ENOX2: variants seen among roughly 807,000 people sequenced by gnomAD.
ENOX2 encodes APK1 antigen.
ENOX2 carries 36 observed loss-of-function variants against 45.0 expected under a neutral mutation model. That is an observed-to-expected ratio of 0.80 (90% CI 0.61 to 1.06). The LOEUF is 1.06. Among genes scored for constraint, ENOX2 ranks in the 50% least tolerant of loss-of-function variants. ENOX2 has a pLI of 0.00. For synonymous variants in ENOX2, 174 were observed against 152.3 expected, an observed-to-expected ratio of 1.14 and a Z score of -1.05; for missense variants, 423 against 462.5, an observed-to-expected ratio of 0.91 and a Z score of 0.78.
intron 12 of ENOX2, among the ~76,000 whole-genome samples, chrX:130,632,045 C>A (rs1227694428): frequency 3.6e-5 from 4 of 110,846 alleles, no homozygotes; most frequent in Non-Finnish European, 7.6e-5. Context: ...AGTTTAAGGT[C>A]CACACTCTGT....
intron 13 of ENOX2, among the ~76,000 whole-genome samples, chrX:130,629,662 A>G (rs1186848951): frequency 8.9e-6 from 1 of 112,301 alleles, no homozygotes; most frequent in Non-Finnish European, 1.9e-5. Flanking sequence ...GTTAAATCTG[A>G]GGATAATATC....
At chrX:130,786,503 C>T (rs1260837168) in intron 2 of ENOX2, among the ~76,000 whole-genome samples, 1 of 97,458 alleles carries the variant, frequency 1.0e-5, no homozygotes, top group African/African-American at 3.8e-5. Flanking sequence ...GCTGCACCCA[C>T]TAACGTGTCA....
Sources: allele counts gnomAD v4.1 joint callset (sites outside exome capture counted in the v4.1 genomes callset), GRCh38; gene constraint gnomAD v4.1.1; transcripts MANE v1.5; gene names NCBI Gene and HGNC (gene_info 2026-07-23, HGNC 2026-07-21).